CLIC5: variants seen among roughly 807,000 people sequenced by gnomAD.
CLIC5 encodes the protein CLIC family member 5.
CLIC5 carries 20 observed loss-of-function variants against 24.7 expected under a neutral mutation model. The ratio of observed to expected loss-of-function variants is 0.81; its 90% CI spans 0.57 to 1.18. CLIC5 has a LOEUF of 1.18. Ranked by LOEUF, CLIC5 falls within the 50% of genes most tolerant of loss-of-function variation. CLIC5 has a pLI of 0.00. For missense variants in CLIC5, 341 were observed against 326.1 expected, an observed-to-expected ratio of 1.05 and a Z score of -0.35; for synonymous variants, 159 against 135.6, an observed-to-expected ratio of 1.17 and a Z score of -1.20.
At chr6:45,922,701 G>A (rs1045323356) in intron 4 of CLIC5, among the ~76,000 whole-genome samples, 1 of 152,136 alleles carries the variant, frequency 6.6e-6, no homozygotes, top group Non-Finnish European at 1.5e-5. Context: ...CAGTAGATTT[G>A]AAGAGAAAGA....
At chr6:46,069,946 AC>A (rs1762547779) in intron 1 of CLIC5, among the ~76,000 whole-genome samples, 1 of 152,178 alleles carries the variant, frequency 6.6e-6, no homozygotes, top group Non-Finnish European at 1.5e-5. Flanking sequence ...GTGACTCATC[AC>A]ATACACAGAA....
the CLIC5 span, among the ~76,000 whole-genome samples, chr6:46,110,575 A>G: frequency 6.6e-6 from 1 of 152,236 alleles, no homozygotes; most frequent in East Asian, 1.9e-4. Flanking sequence ...GAGATTGGAA[A>G]GACTGATATG....
In CLIC5 at chr6:45,982,715, ACT is replaced by A. The variant is rs145835939; in HGVS notation, c.64-27473_64-27472del. The stretch of plus-strand genomic sequence containing the variant: ...CTGAAACGTTATTATGTGGTATGTG[ACT>A]CTGCAACTCATGAGACATTTTACAC... On this transcript the variant is annotated intron_variant, in intron 1 of 5. Transcript: ENST00000339561. 6.8e-3 allele frequency among the ~76,000 whole-genome samples: 1,038 copies of A among 152,266 alleles called. 6 individuals carry two copies. The highest frequency in any genetic ancestry group is 0.022 in the African/African-American group (928 of 41,528).
chr6:46,119,237 G>T, the CLIC5 span, among the ~76,000 whole-genome samples: 3 of 152,168 alleles, frequency 2.0e-5, no homozygotes, highest in Admixed American at 2.0e-4. Flanking sequence ...TAATCTGCAA[G>T]AATTAATCAA....
intron 1 of CLIC5, among the ~76,000 whole-genome samples, chr6:45,966,995 T>C (rs984575585): frequency 5.9e-5 from 9 of 152,236 alleles, no homozygotes; most frequent in Non-Finnish European, 1.2e-4. Flanking sequence ...CCCTAGTCAC[T>C]GGGCTCAAGT....
chr6:45,989,833 C>T, intron 1 of CLIC5, among the ~76,000 whole-genome samples: 1 of 152,164 alleles, frequency 6.6e-6, no homozygotes, highest in East Asian at 1.9e-4. Flanking sequence ...AGGAACTTCA[C>T]CATCAGGACA....
At chr6:45,924,537 T>C (rs968338479) in intron 4 of CLIC5, among the ~76,000 whole-genome samples, 4 of 152,140 alleles carry the variant, frequency 2.6e-5, no homozygotes, top group Non-Finnish European at 5.9e-5. Flanking sequence ...AAATTAAATG[T>C]GCAATTTTAT....
chr6:46,120,903 A>G, the CLIC5 span, among the ~76,000 whole-genome samples: 1 of 152,194 alleles, frequency 6.6e-6, no homozygotes, highest in Non-Finnish European at 1.5e-5. Context: ...AAAGAAATGA[A>G]CAAAGCCTCC....
intron 1 of CLIC5, among the ~76,000 whole-genome samples, chr6:45,965,555 T>G (rs1023254854): frequency 6.6e-6 from 1 of 152,210 alleles, no homozygotes. Context: ...TCTCAATGCT[T>G]GGTTCAGGAA....
At chr6:45,891,544 G>A (rs985813790) in intron 6 of CLIC5, among the ~76,000 whole-genome samples, 1 of 133,250 alleles carries the variant, frequency 7.5e-6, no homozygotes, top group Non-Finnish European at 1.6e-5. Flanking sequence ...GCTGAGGCAG[G>A]GGAATCGTTT....
Position 45,997,448 on chromosome 6 carries a change from T to C in CLIC5, c.63+18032A>G, listed in dbSNP as rs1766189061. Among the ~76,000 whole-genome samples the C allele has an allele frequency of 1.3e-5, 2 of 149,824 alleles. 1 individual carries two copies. The highest frequency in any genetic ancestry group is 4.3e-4 in the South Asian group (2 of 4,682). On this transcript the variant is annotated intron_variant, in intron 1 of 5. Transcript: ENST00000339561. ...GCAGCGCACCAGCATGGCACATGTA[T>C]ACATATGTAACTAACCTACACAATG...
intron 1 of CLIC5, among the ~76,000 whole-genome samples, chr6:45,978,948 TA>T (rs10542352): frequency 0.018 from 2,648 of 144,690 alleles, 45 homozygotes; most frequent in African/African-American, 0.055. Context: ...AAAACTCCAT[TA>T]AAAAAAAAAA....
chr6:45,912,657 G>A, intron 5 of CLIC5: 1 of 1,531,986 alleles, frequency 6.5e-7, no homozygotes, highest in East Asian at 2.4e-5. Flanking sequence ...CCGGAACTCG[G>A]GTCTCCTGAT....
At chr6:46,116,904 C>T in the CLIC5 span, among the ~76,000 whole-genome samples, 3 of 152,266 alleles carry the variant, frequency 2.0e-5, no homozygotes, top group African/African-American at 4.8e-5. Flanking sequence ...CCTAGGTGAA[C>T]ACCTTAACCT....
chr6:46,008,479 C>T (rs966597986), intron 1 of CLIC5, among the ~76,000 whole-genome samples: 7 of 152,176 alleles, frequency 4.6e-5, no homozygotes, highest in African/African-American at 1.7e-4. Flanking sequence ...GCCACTGATG[C>T]TTGTTTGCAT....
At chr6:46,088,712 C>A in the CLIC5 span, among the ~76,000 whole-genome samples, 30 of 151,996 alleles carry the variant, frequency 2.0e-4, no homozygotes, top group Non-Finnish European at 5.9e-5. Context: ...TATACAAGAC[C>A]AGCAAATATT....
the CLIC5 span, among the ~76,000 whole-genome samples, chr6:46,108,403 A>T: frequency 9.5e-4 from 116 of 121,866 alleles, no homozygotes; most frequent in South Asian, 9.4e-3. Context: ...TGTGTGTGTG[A>T]GAGAGAGAGA....
downstream of CLIC5, among the ~76,000 whole-genome samples, chr6:45,893,998 T>A (rs1762373444): frequency 6.6e-6 from 1 of 152,176 alleles, no homozygotes; most frequent in Non-Finnish European, 1.5e-5. Context: ...TCCCATGGTG[T>A]GGCAGTCTCG....
At chr6:46,047,606 G>A (rs1015852994) in intron 1 of CLIC5, among the ~76,000 whole-genome samples, 1 of 152,110 alleles carries the variant, frequency 6.6e-6, no homozygotes, top group South Asian at 2.1e-4. Flanking sequence ...AATAACAAAT[G>A]CACCATATAT....
Sources: gnomAD v4.1 joint callset for allele counts (sites outside exome capture counted in the v4.1 genomes callset) on GRCh38, gnomAD v4.1.1 for gene constraint, MANE v1.5 for transcripts, NCBI Gene and HGNC (gene_info 2026-07-23, HGNC 2026-07-21) for gene names.